ZNF85: variants seen among roughly 807,000 people sequenced by gnomAD.
ZNF85 encodes the protein zinc finger protein 85 (HPF4, HTF1).
Under a neutral mutation model 53.9 loss-of-function variants are expected in ZNF85, and 50 were observed. The observed-to-expected ratio is 0.93, with a 90% CI of 0.74 to 1.17. The LOEUF is 1.17. Ranked by LOEUF, ZNF85 falls within the 50% of genes most tolerant of loss-of-function variation. The probability of loss-of-function intolerance (pLI) is 0.00; values close to 1 mark genes in which losing one functional copy is unlikely to be tolerated. For synonymous variants in ZNF85, 225 were observed against 226.1 expected (o/e 1.00, Z 0.04); for missense variants, 747 against 688.5 (o/e 1.08, Z -0.95).
At chr19:20,930,989 G>C (rs1275352007) in intron 1 of ZNF85, among the ~76,000 whole-genome samples, 1 of 152,116 alleles carries the variant, frequency 6.6e-6, no homozygotes, top group Non-Finnish European at 1.5e-5. Flanking sequence ...TGGTCAGGCT[G>C]GTCTCAAACT....
At chr19:20,937,894 C>A (rs1973196505) in intron 3 of ZNF85, among the ~76,000 whole-genome samples, 1 of 152,186 alleles carries the variant, frequency 6.6e-6, no homozygotes, top group Non-Finnish European at 1.5e-5. Context: ...TGGGCCATTT[C>A]TTTGGTCTAT....
In ZNF85 at chr19:20,950,364, G is replaced by T; in HGVS notation, c.*62G>T. 1 of 1,171,610 alleles carries T rather than the reference G, an allele frequency of 8.5e-7. No homozygotes were observed. Among genetic ancestry groups the T allele is most frequent in the East Asian group, 2.5e-5 (1 of 40,100 alleles). The allele number at this position is 1,171,610 out of a possible 1,614,324, so 72.6% of individuals were successfully genotyped here. A position where few individuals can be genotyped will look rare whatever the true frequency, so the allele number is the denominator to read the frequency against. On this transcript the variant is annotated 3_prime_UTR_variant, in exon 4 of 4. Coordinates refer to ENST00000328178, the MANE Select transcript of ZNF85 (RefSeq NM_003429.5). ...ACTAAACATAAGAAAATTTATACTG[G>T]AGAGAAACTACTAACCTGAAAGATG...
chr19:20,933,099 G>A (rs1469403128), intron 1 of ZNF85, among the ~76,000 whole-genome samples: 4 of 151,882 alleles, frequency 2.6e-5, no homozygotes, highest in Middle Eastern at 3.4e-3. Flanking sequence ...AGGCTGAGGC[G>A]GGAGAATGCC....
At chr19:20,947,987 A>G (rs1051877301) in intron 3 of ZNF85, among the ~76,000 whole-genome samples, 1 of 151,936 alleles carries the variant, frequency 6.6e-6, no homozygotes, top group Non-Finnish European at 1.5e-5. Flanking sequence ...ATATTTTTAT[A>G]TGTTGTAATC....
At chr19:20,930,142 A>AAAAAG (rs1555793059) in intron 1 of ZNF85, among the ~76,000 whole-genome samples, 18 of 145,252 alleles carry the variant, frequency 1.2e-4, no homozygotes, top group South Asian at 4.4e-4. Context: ...AAAAAAAAAA[A>AAAAAG]GAAATCAGAG....
chr19:20,923,346 T>C lies in ZNF85; in HGVS notation c.-55T>C. On this transcript the variant is annotated 5_prime_UTR_variant, in exon 1 of 4. Transcript: ENST00000328178. ...GCCCAGCCTCTGTGGCCCTGTGGCCTGCAGGTATTGGGAGATCCACAGCTA... is the reference window on the plus strand; with the variant it reads ...GCCCAGCCTCTGTGGCCCTGTGGCCCGCAGGTATTGGGAGATCCACAGCTA... 1.9e-6 allele frequency: 3 copies of C among 1,613,706 alleles called. No homozygotes were observed. Among genetic ancestry groups the C allele is most frequent in the Non-Finnish European group, 2.5e-6 (3 of 1,179,698 alleles).
At chr19:20,923,477 A>T (rs1008109613) in intron 1 of ZNF85, 74 bp downstream of exon 1, 8 of 1,609,038 alleles carry the variant, frequency 5.0e-6, no homozygotes, top group Non-Finnish European at 6.8e-6. Context: ...CTGTGGCGGG[A>T]CTCAGGCCTC....
intron 3 of ZNF85, among the ~76,000 whole-genome samples, chr19:20,945,975 T>C (rs1351072317): frequency 6.6e-6 from 1 of 152,158 alleles, no homozygotes; most frequent in African/African-American, 2.4e-5. Context: ...AGCTTTATAC[T>C]TATACCAAGT....
intron 3 of ZNF85, 124 bp from the exon 4 acceptor site, chr19:20,948,620 G>A (rs1161410222): frequency 1.5e-6 from 1 of 671,842 alleles, no homozygotes; most frequent in African/African-American, 1.9e-5. Flanking sequence ...AGGATTTAGG[G>A]CCTATGGTAT....
At chr19:20,938,939 A>G (rs1476547818) in intron 3 of ZNF85, among the ~76,000 whole-genome samples, 1 of 151,890 alleles carries the variant, frequency 6.6e-6, no homozygotes, top group Non-Finnish European at 1.5e-5. Flanking sequence ...TTGCTTCTAA[A>G]TTTGGATTGC....
chr19:20,925,274 T>C (rs1284229042), intron 1 of ZNF85, among the ~76,000 whole-genome samples: 1 of 151,928 alleles, frequency 6.6e-6, no homozygotes, highest in East Asian at 1.9e-4. Flanking sequence ...ATGGCCAATA[T>C]GGTGAAACCC....
chr19:20,945,968 TTTATAC>T, intron 3 of ZNF85, among the ~76,000 whole-genome samples: 1 of 152,150 alleles, frequency 6.6e-6, no homozygotes, highest in Non-Finnish European at 1.5e-5. Flanking sequence ...TGTTTTCAGC[TTTATAC>T]TTATACCAAG....
At chr19:20,943,004 G>A (rs550736208) in intron 3 of ZNF85, 2 of 500,834 alleles carry the variant, frequency 4.0e-6, no homozygotes, top group South Asian at 6.4e-5. Flanking sequence ...TCAAACTTCT[G>A]GCTCCAAATG....
At chr19:20,944,666 T>G (rs1268124067) in intron 3 of ZNF85, among the ~76,000 whole-genome samples, 1 of 151,676 alleles carries the variant, frequency 6.6e-6, no homozygotes, top group Non-Finnish European at 1.5e-5. Flanking sequence ...CATGAATATA[T>G]TGTTCTACTT....
intron 1 of ZNF85, among the ~76,000 whole-genome samples, chr19:20,930,016 G>A (rs1187017650): frequency 6.6e-6 from 1 of 151,432 alleles, no homozygotes; most frequent in African/African-American, 2.4e-5. Context: ...AGTTACTTGG[G>A]AGGCTGAGGC....
chr19:20,925,768 G>T (rs1322729284), intron 1 of ZNF85, among the ~76,000 whole-genome samples: 1 of 152,154 alleles, frequency 6.6e-6, no homozygotes, highest in African/African-American at 2.4e-5. Flanking sequence ...TTGACACATA[G>T]GTCAGACACA....
At chr19:20,944,350 C>T (rs1168222370) in intron 3 of ZNF85, 2 of 151,752 alleles carry the variant, frequency 1.3e-5, no homozygotes, top group Admixed American at 6.6e-5. Context: ...GCATGAGCCA[C>T]TGCCTGGCAA....
rs1285988069 is a variant in ZNF85 at position 20,923,419 on chromosome 19, C to G, written c.3+16C>G. ...CCTAGAAATGGTGAGAGTGCCAGGTCCGCCATCCCGAGGGGGAAAGGGGTT... is the reference window on the plus strand; with the variant it reads ...CCTAGAAATGGTGAGAGTGCCAGGTGCGCCATCCCGAGGGGGAAAGGGGTT... On this transcript the variant is annotated intron_variant, in intron 1 of 3. Coordinates refer to ENST00000328178, the MANE Select transcript of ZNF85 (RefSeq NM_003429.5). 1 of 1,614,084 alleles carries G rather than the reference C, an allele frequency of 6.2e-7. No homozygotes were observed. The highest frequency in any genetic ancestry group is 1.1e-5 in the South Asian group (1 of 91,082).
At position 20,949,569 on chromosome 19, in the gene ZNF85, A is replaced by G. The variant is rs1406244545; in HGVS notation, c.1055A>G (p.Asn352Ser). The change falls in exon 4 of 4, where the codon AAC becomes AGC. Residue 352 changes from asparagine (N) to serine (S), a missense_variant. Asn to Ser is a conservative substitution (Grantham distance 46). Coordinates refer to ENST00000328178, the MANE Select transcript of ZNF85 (RefSeq NM_003429.5). Reference protein sequence around the residue: ...YKCKKCGKAFNQSAHLTTHEV... With the variant: ...YKCKKCGKAFSQSAHLTTHEV... The stretch of plus-strand genomic sequence containing the variant: ...TGTAAAAAATGTGGAAAAGCCTTTA[A>G]CCAGTCTGCACACCTTACCACACAT... 1.3e-6 allele frequency: 2 copies of G among 1,597,982 alleles called. No homozygotes were observed. Among genetic ancestry groups the G allele is most frequent in the Non-Finnish European group, 1.7e-6 (2 of 1,168,876 alleles).
Sources: gnomAD v4.1 joint callset for allele counts (sites outside exome capture counted in the v4.1 genomes callset) on GRCh38, gnomAD v4.1.1 for gene constraint, MANE v1.5 for transcripts, NCBI Gene and HGNC (gene_info 2026-07-23, HGNC 2026-07-21) for gene names.